The following ZC3H12A variants were observed in gnomAD, a reference collection of about 807,000 sequenced individuals.
ZC3H12A encodes endoribonuclease ZC3H12A.
In ZC3H12A, 9 loss-of-function variants were observed where a neutral mutation model predicts 29.9. That is an observed-to-expected ratio of 0.30 (90% CI 0.18 to 0.53). The LOEUF (loss-of-function observed/expected upper bound fraction) is 0.53, where lower values mean the gene tolerates loss of function less well. Among genes scored for constraint, ZC3H12A ranks in the 20% least tolerant of loss-of-function variants. The pLI, the probability that ZC3H12A is intolerant of heterozygous loss-of-function variation, is 0.96. For synonymous variants in ZC3H12A, 323 were observed against 338.1 expected, an observed-to-expected ratio of 0.96 and a Z score of 0.49; for missense variants, 617 against 799.0, an observed-to-expected ratio of 0.77 and a Z score of 2.75.
At position 37,482,530 on chromosome 1, in the gene ZC3H12A, G is replaced by A. The variant is rs761563001; in HGVS notation, c.915G>A (p.Pro305=). Reference sequence around the variant, plus strand: ...TCACTTTGGAGCACAGGAAGCAGCCGTGTCCCTATGGTATGGAACCCAGCC... The same window carrying A: ...TCACTTTGGAGCACAGGAAGCAGCCATGTCCCTATGGTATGGAACCCAGCC... ...KPLTLEHRKQ[P]CPYGRKCTYG... The change falls in exon 5 of 6, where the codon CCG becomes CCA. Residue 305 remains proline (P), a synonymous_variant. Coordinates refer to ENST00000373087, the MANE Select transcript of ZC3H12A (RefSeq NM_025079.3). The A allele has an allele frequency of 1.5e-5, 25 of 1,613,924 alleles. No individual in the cohort carries two copies. The highest frequency in any genetic ancestry group is 1.2e-4 in the African/African-American group (9 of 74,884).
At chr1:37,477,259 A>G (rs1641609204) in intron 2 of ZC3H12A, among the ~76,000 whole-genome samples, 1 of 152,222 alleles carries the variant, frequency 6.6e-6, no homozygotes, top group Non-Finnish European at 1.5e-5. Flanking sequence ...GGTATGGGCC[A>G]GGAGCGGCTG....
In ZC3H12A at chr1:37,478,034, T is replaced by C. The variant is rs1641625255; in HGVS notation, c.443+2095T>C. Among the ~76,000 whole-genome samples the C allele has an allele frequency of 6.6e-6, 1 of 152,124 alleles. No individual in the cohort carries two copies. The highest frequency in any genetic ancestry group is 2.1e-4 in the South Asian group (1 of 4,828). On this transcript the variant is annotated intron_variant, in intron 2 of 5. Coordinates refer to ENST00000373087, the MANE Select transcript of ZC3H12A (RefSeq NM_025079.3). This position sits in a 1 kb window ranked among gnomAD's most constrained non-coding sequence, Gnocchi z 5.2. ...TTCCCAGTGCTCCAAGATACTAGCC[T>C]AGGATCATGTGCCCGGAGGGAGGCA...
rs140634255 is a variant in ZC3H12A, at chr1:37,482,867, C to A, written c.1056C>A (p.Asp352Glu). Residue 352 changes from aspartate (D) to glutamate (E), a missense_variant, in exon 6 of 6, where the codon GAC becomes GAA. Around this residue, in one of 5 missense-constraint regions of ZC3H12A, gnomAD observed 115 missense variants for 112.5 expected, o/e 1.02. Transcript: ENST00000373087. ...CACCCCCCAGAGCCCCAAGCAAGGACAAAAATGGCCGGCGGCCTTCACCTT... is the reference window on the plus strand; with the variant it reads ...CACCCCCCAGAGCCCCAAGCAAGGAAAAAAATGGCCGGCGGCCTTCACCTT... The part of the protein sequence containing the change: ...LLSPPRAPSK[D>E]KNGRRPSPSS... 1.2e-6 allele frequency: 2 copies of A among 1,613,834 alleles called. No individual in the cohort carries two copies. The highest frequency in any genetic ancestry group is 1.7e-5 in the Admixed American group (1 of 60,004).
intron 3 of ZC3H12A, among the ~76,000 whole-genome samples, chr1:37,481,173 G>A (rs1394482062): frequency 6.6e-6 from 1 of 152,160 alleles, no homozygotes. Flanking sequence ...CCCACCATGG[G>A]ATTTAGCGAC....
chr1:37,480,028 C>T lies in ZC3H12A; in HGVS notation c.444-262C>T, dbSNP rs185016377. 1.3e-4 allele frequency: 158 copies of T among 1,206,874 alleles called. No individual in the cohort carries two copies. The African/African-American group carries it at 2.3e-3, about 17-fold the overall frequency. 74.8% of individuals were successfully genotyped at this position (1,206,874 alleles called of 1,614,324 possible). On this transcript the variant is annotated intron_variant, in intron 2 of 5. Coordinates refer to ENST00000373087, the MANE Select transcript of ZC3H12A (RefSeq NM_025079.3). ...GGAGATGGAGCCTCAGGGAAAGTCC[C>T]AGCGGGGCCTGGCCATCCTGGAGCT...
Position 37,481,816 on chromosome 1 carries a change from T to C in ZC3H12A, c.799T>C (p.Tyr267His). The part of the protein sequence containing the change: ...KRFIEERLLM[Y>H]SFVNDKFMPP... ...CTTCATCGAGGAGCGGCTGCTCATG[T>C]ACTCCTTCGTCAATGACAAGTATGT... Residue 267 changes from tyrosine (Y) to histidine (H), a missense_variant, in exon 4 of 6, where the codon TAC becomes CAC. Physicochemically the swap from Tyr to His is moderately conservative, Grantham distance 83 (BLOSUM62 2). This residue lies in a region of ZC3H12A where 255 missense variants were observed against 402.5 expected (regional missense o/e 0.63). Coordinates refer to ENST00000373087, the MANE Select transcript of ZC3H12A (RefSeq NM_025079.3). 1.2e-6 allele frequency: 2 copies of C among 1,614,090 alleles called. No homozygotes were observed. Among genetic ancestry groups the C allele is most frequent in the Non-Finnish European group, 1.7e-6 (2 of 1,179,962 alleles).
At position 37,475,968 on chromosome 1, in the gene ZC3H12A, A is replaced by G; in HGVS notation, c.443+29A>G. ...AGTGTCACTTCTGTGGCCAGGACAC[A>G]TGAGGTTCGCATCTCTCCTGTGGCC... On this transcript the variant is annotated intron_variant, in intron 2 of 5. Coordinates refer to ENST00000373087, the MANE Select transcript of ZC3H12A (RefSeq NM_025079.3). This position sits in a 1 kb window ranked among gnomAD's most constrained non-coding sequence, Gnocchi z 5.2. The G allele has an allele frequency of 2.0e-6, 3 of 1,485,524 alleles. No individual in the cohort carries two copies. Among genetic ancestry groups the G allele is most frequent in the East Asian group, 2.3e-5 (1 of 43,356 alleles). The allele number at this position is 1,485,524 out of a possible 1,614,324, so 92.0% of individuals were successfully genotyped here. A position where few individuals can be genotyped will look rare whatever the true frequency, so the allele number is the denominator to read the frequency against.
Position 37,478,753 on chromosome 1 carries a change from A to G in ZC3H12A, c.444-1537A>G, listed in dbSNP as rs1641641567. On this transcript the variant is annotated intron_variant, in intron 2 of 5. Coordinates refer to ENST00000373087, the MANE Select transcript of ZC3H12A (RefSeq NM_025079.3). This position sits in a 1 kb window ranked among gnomAD's most constrained non-coding sequence, Gnocchi z 5.2. ...CTGAAAAACAGGGAAGGAGTTGATG[A>G]TGGTATAGTGCCCTCCTCACAAGCT... The G allele has an allele frequency of 7.9e-6, 6 of 759,948 alleles. No individual in the cohort carries two copies. The highest frequency in any genetic ancestry group is 9.6e-6 in the Non-Finnish European group (6 of 624,088). 47.1% of individuals were successfully genotyped at this position (759,948 alleles called of 1,614,324 possible).
In ZC3H12A at chr1:37,478,812, G is replaced by A. The variant is rs1002737427; in HGVS notation, c.444-1478G>A. On this transcript the variant is annotated intron_variant, in intron 2 of 5. Coordinates refer to ENST00000373087, the MANE Select transcript of ZC3H12A (RefSeq NM_025079.3). The surrounding 1 kb of genome is among the most constrained non-coding windows in gnomAD (Gnocchi z 5.2). Reference sequence around the variant, plus strand: ...ATTCAGTGTTAGACACTTATAACAGGGCCTGGTTCACAGCTCTCAGCAAAT... The same window carrying A: ...ATTCAGTGTTAGACACTTATAACAGAGCCTGGTTCACAGCTCTCAGCAAAT... 3 of 982,658 alleles carry A rather than the reference G, an allele frequency of 3.1e-6. No individual in the cohort carries two copies. The highest frequency in any genetic ancestry group is 6.2e-5 in the Admixed American group (1 of 16,244). The allele number at this position is 982,658 out of a possible 1,614,324, so 60.9% of individuals were successfully genotyped here.
chr1:37,478,574 C>T lies in ZC3H12A; in HGVS notation c.444-1716C>T, dbSNP rs565882117. 1.2e-3 allele frequency among the ~76,000 whole-genome samples: 179 copies of T among 152,314 alleles called. 1 individual carries two copies. The highest frequency in any genetic ancestry group is 3.4e-3 in the Middle Eastern group (1 of 294). ...GTGCCTGCGAATCCCTGCTCATTCC[C>T]TGCGATCAGGGTCTGTGCCTGCCTT... On this transcript the variant is annotated intron_variant, in intron 2 of 5. Transcript: ENST00000373087. This position sits in a 1 kb window ranked among gnomAD's most constrained non-coding sequence, Gnocchi z 5.2.
In ZC3H12A at chr1:37,478,077, G is replaced by A. The variant is rs1004717742; in HGVS notation, c.443+2138G>A. ...GGGAGGCAGGTGGGCGGATACATGCGCACACTGCATACCTGAGACAAGGAG... is the reference window on the plus strand; with the variant it reads ...GGGAGGCAGGTGGGCGGATACATGCACACACTGCATACCTGAGACAAGGAG... On this transcript the variant is annotated intron_variant, in intron 2 of 5. Coordinates refer to ENST00000373087, the MANE Select transcript of ZC3H12A (RefSeq NM_025079.3). The surrounding 1 kb of genome is among the most constrained non-coding windows in gnomAD (Gnocchi z 5.2). Among the ~76,000 whole-genome samples the A allele has an allele frequency of 1.3e-5, 2 of 152,292 alleles. No individual in the cohort carries two copies. Among genetic ancestry groups the A allele is most frequent in the East Asian group, 1.9e-4 (1 of 5,182 alleles).
chr1:37,476,131 G>A lies in ZC3H12A; in HGVS notation c.443+192G>A, dbSNP rs1030111863. Among the ~76,000 whole-genome samples, 3 of 152,170 alleles carry A rather than the reference G, an allele frequency of 2.0e-5. No individual in the cohort carries two copies. Among genetic ancestry groups the A allele is most frequent in the African/African-American group, 7.2e-5 (3 of 41,428 alleles). On this transcript the variant is annotated intron_variant, in intron 2 of 5. Transcript: ENST00000373087. The surrounding 1 kb of genome is among the most constrained non-coding windows in gnomAD (Gnocchi z 6.0). ...GCTACTGGTAAGTGACAGAGGCAGG[G>A]TTCCAGCCCAGGTCCCTCTGTCCGC...
rs549462725 is a variant in ZC3H12A, at chr1:37,475,040, C to G, written c.-39+411C>G. On this transcript the variant is annotated intron_variant, in intron 1 of 5. Coordinates refer to ENST00000373087, the MANE Select transcript of ZC3H12A (RefSeq NM_025079.3). This position sits in a 1 kb window ranked among gnomAD's most constrained non-coding sequence, Gnocchi z 5.2. ...CTGGGCCTGAGCTCTGAGTGCCGGA[C>G]GGGTGGGCGAAAGTGGTGGCCTCAG... Among the ~76,000 whole-genome samples the G allele has an allele frequency of 6.6e-6, 1 of 152,190 alleles. No homozygotes were observed. The highest frequency in any genetic ancestry group is 1.5e-5 in the Non-Finnish European group (1 of 68,028).
Position 37,483,285 on chromosome 1 carries a change from G to A in ZC3H12A, c.1474G>A (p.Gly492Ser), listed in dbSNP as rs149850033. 2.9e-4 allele frequency: 476 copies of A among 1,614,030 alleles called. 1 individual carries two copies. In the African/African-American group the frequency reaches 5.5e-3, roughly 19 times the overall value. ...AAFSAFGRAM[G>S]AGHFSVPADY... ...CTTCTCTGCCTTTGGCCGGGCCATG[G>A]GTGCTGGCCACTTCAGTGTCCCTGC... The change falls in exon 6 of 6, where the codon GGT becomes AGT. Residue 492 changes from glycine to serine, a missense_variant. By Grantham distance (56) the Gly-to-Ser change is moderately conservative. Transcript: ENST00000373087.
In ZC3H12A at chr1:37,477,145, G is replaced by A. The variant is rs565139179; in HGVS notation, c.443+1206G>A. Among the ~76,000 whole-genome samples, 3 of 152,356 alleles carry A rather than the reference G, an allele frequency of 2.0e-5. No individual in the cohort carries two copies. In the South Asian group the frequency reaches 6.2e-4, roughly 32 times the overall value. ...CCAGTTTCCATGCCAAGAGGCAGCAGGTCACAGCCCATGCTTCGAGATTAG... is the reference window on the plus strand; with the variant it reads ...CCAGTTTCCATGCCAAGAGGCAGCAAGTCACAGCCCATGCTTCGAGATTAG... On this transcript the variant is annotated intron_variant, in intron 2 of 5. Transcript: ENST00000373087.
At position 37,475,833 on chromosome 1, in the gene ZC3H12A, G is replaced by A; in HGVS notation, c.337G>A (p.Gly113Ser). Reference sequence around the variant, plus strand: ...TCAGCTCCCTCTAGTCCCGCGGGGTGGTGGCACCCCTAAGGCTCCCAACCT... The same window carrying A: ...TCAGCTCCCTCTAGTCCCGCGGGGTAGTGGCACCCCTAAGGCTCCCAACCT... ...CPQLPLVPRG[G>S]GTPKAPNLEP... is the part of the protein sequence containing the mutation. The change falls in exon 2 of 6, where the codon GGT becomes AGT. Residue 113 changes from glycine (G) to serine (S), a missense_variant. Around this residue, in one of 5 missense-constraint regions of ZC3H12A, gnomAD observed 255 missense variants for 402.5 expected, o/e 0.63. Transcript: ENST00000373087. The surrounding 1 kb of genome is among the most constrained non-coding windows in gnomAD (Gnocchi z 5.2). The A allele has an allele frequency of 6.2e-7, 1 of 1,602,690 alleles. No homozygotes were observed. The highest frequency in any genetic ancestry group is 8.5e-7 in the Non-Finnish European group (1 of 1,172,772).
chr1:37,480,018 G>A (rs1431574804), intron 2 of ZC3H12A: 17 of 1,183,020 alleles, frequency 1.4e-5, no homozygotes, highest in Admixed American at 4.1e-5. Flanking sequence ...TGGAGCCTCA[G>A]GGAAAGTCCC....
In ZC3H12A at chr1:37,475,475, G is replaced by T. The variant is rs1427587574; in HGVS notation, c.-22G>T. On this transcript the variant is annotated 5_prime_UTR_variant, in exon 2 of 6. Coordinates refer to ENST00000373087, the MANE Select transcript of ZC3H12A (RefSeq NM_025079.3). This position sits in a 1 kb window ranked among gnomAD's most constrained non-coding sequence, Gnocchi z 5.2. ...GTTGTTCAGTAGGAGCTGTGGCGCG[G>T]GGCCTTCCAGGAGTCTGAGCTATGA... The T allele has an allele frequency of 1.3e-6, 2 of 1,578,288 alleles. No individual in the cohort carries two copies. Among genetic ancestry groups the T allele is most frequent in the Non-Finnish European group, 8.6e-7 (1 of 1,160,946 alleles).
Position 37,478,641 on chromosome 1 carries a change from T to C in ZC3H12A, c.444-1649T>C, listed in dbSNP as rs149345440. 1.3e-5 allele frequency among the ~76,000 whole-genome samples: 2 copies of C among 152,308 alleles called. No homozygotes were observed. The highest frequency in any genetic ancestry group is 1.9e-4 in the East Asian group (1 of 5,188). ...TTGACGTACAGGGTAGTGATAAGCA[T>C]AGGCCCTGGGCTTGCGTCTCTCTTC... is the stretch of plus-strand genomic sequence containing the variant. On this transcript the variant is annotated intron_variant, in intron 2 of 5. Coordinates refer to ENST00000373087, the MANE Select transcript of ZC3H12A (RefSeq NM_025079.3). This position sits in a 1 kb window ranked among gnomAD's most constrained non-coding sequence, Gnocchi z 5.2.
Sources: gnomAD v4.1 joint callset for allele counts (sites outside exome capture counted in the v4.1 genomes callset) on GRCh38, gnomAD v4.1.1 for gene constraint, gnomAD v4.1.1 regional missense constraint, Gnocchi (gnomAD v3.1) non-coding constraint, MANE v1.5 for transcripts, NCBI Gene and HGNC (gene_info 2026-07-23, HGNC 2026-07-21) for gene names.